Variants in RRN3 observed in about 807,000 individuals in gnomAD.
RRN3 encodes the protein RNA polymerase I-specific transcription initiation factor RRN3.
A neutral mutation model predicts 82.3 loss-of-function variants in RRN3; 38 were observed. That is an observed-to-expected ratio of 0.46 (90% confidence interval 0.36 to 0.61). The LOEUF (loss-of-function observed/expected upper bound fraction) is 0.61, where lower values mean the gene tolerates loss of function less well. RRN3 is among the 20% of genes least tolerant of loss of function. The probability of loss-of-function intolerance (pLI) is 0.00; values close to 1 mark genes in which losing one functional copy is unlikely to be tolerated. For missense variants in RRN3, 726 were observed against 793.1 expected, an observed-to-expected ratio of 0.92 and a Z score of 1.02; for synonymous variants, 284 against 284.3, an observed-to-expected ratio of 1.00 and a Z score of 0.01.
rs1267624686 is a variant in RRN3, at chr16:15,073,222, T to G, written c.998-142A>C. 19 of 923,006 alleles carry G rather than the reference T, an allele frequency of 2.1e-5. No individual in the cohort carries two copies. In the East Asian group the frequency reaches 3.4e-4, roughly 17 times the overall value. 57.2% of individuals were successfully genotyped at this position (923,006 alleles called of 1,614,324 possible). On this transcript the variant is annotated intron_variant, in intron 11 of 17. Transcript: ENST00000198767. The stretch of plus-strand genomic sequence containing the variant: ...GGCTCCTGCCTGCAATCCCAGCACT[T>G]TGGGAGGCCAAAGTGAGAGGGAGCC...
chr16:15,069,247 C>G (rs1322363758), intron 14 of RRN3, among the ~76,000 whole-genome samples: 2 of 152,004 alleles, frequency 1.3e-5, no homozygotes, highest in Non-Finnish European at 2.9e-5. Context: ...CTGCTGTTGG[C>G]AGCTAGTAGG....
At chr16:15,077,789 C>T (rs1490501309) in intron 9 of RRN3, among the ~76,000 whole-genome samples, 2 of 152,158 alleles carry the variant, frequency 1.3e-5, no homozygotes, top group African/African-American at 2.4e-5. Flanking sequence ...TGCAGTGAGC[C>T]GAGATCGCAC....
chr16:15,069,781 C>A (rs2045143662), intron 14 of RRN3, among the ~76,000 whole-genome samples: 1 of 152,218 alleles, frequency 6.6e-6, no homozygotes, highest in African/African-American at 2.4e-5. Context: ...CAGCCCAGGG[C>A]TCAGCCTCAC....
At position 15,071,180 on chromosome 16, in the gene RRN3, C is replaced by T; in HGVS notation, c.1200G>A (p.Arg400=). ...LQDPSNPAII[R]QAAGNYIGSF... ...TTCCAATATAATTTCCAGCAGCCTG[C>T]CTGATGATGGCAGGATTACTTGGGT... The change falls in exon 13 of 18, where the codon AGG becomes AGA. Residue 400 remains arginine, a synonymous_variant. Transcript: ENST00000198767. The T allele has an allele frequency of 2.5e-6, 4 of 1,611,168 alleles. No homozygotes were observed. Among genetic ancestry groups the T allele is most frequent in the Non-Finnish European group, 3.4e-6 (4 of 1,179,496 alleles).
intron 3 of RRN3, 95 bp downstream of exon 3, chr16:15,091,220 G>C (rs2046118932): frequency 6.7e-7 from 1 of 1,490,694 alleles, no homozygotes; most frequent in Non-Finnish European, 9.2e-7. Context: ...CATGGAGAGA[G>C]CAAGTTCTGG....
chr16:15,076,598 G>A lies in RRN3; in HGVS notation c.818C>T (p.Thr273Ile), dbSNP rs2045465357. 1.2e-6 allele frequency: 2 copies of A among 1,613,188 alleles called. No individual in the cohort carries two copies. Among genetic ancestry groups the A allele is most frequent in the South Asian group, 1.1e-5 (1 of 91,062 alleles). The change falls in exon 10 of 18, where the codon ACT becomes ATT. Residue 273 changes from threonine (T) to isoleucine (I), a missense_variant. By Grantham distance (89) the Thr-to-Ile change is moderately conservative. Coordinates refer to ENST00000198767, the MANE Select transcript of RRN3 (RefSeq NM_018427.5). Reference sequence around the variant, plus strand: ...TTCCGTGGAATCTGTCCCACCACAAGTTTGAGTTGCTGTTTCTTCAGCATC... The same window carrying A: ...TTCCGTGGAATCTGTCCCACCACAAATTTGAGTTGCTGTTTCTTCAGCATC... Reference protein sequence around the residue: ...IEDAEETATQTCGGTDSTEGL... With the variant: ...IEDAEETATQICGGTDSTEGL...
At chr16:15,064,772 G>A (rs1004543290) in intron 16 of RRN3, among the ~76,000 whole-genome samples, 7 of 152,178 alleles carry the variant, frequency 4.6e-5, no homozygotes, top group Admixed American at 2.0e-4. Flanking sequence ...TGAAATATAC[G>A]CAGGGAGACC....
At position 15,060,126 on chromosome 16, in the gene RRN3, C is replaced by A; in HGVS notation, c.*1618G>T. On this transcript the variant is annotated 3_prime_UTR_variant, in exon 18 of 18. Transcript: ENST00000198767. ...CACCATGGATTTTTTTTCACAAACT[C>A]CTTTGAAATTAAACAGACTTATATG... The A allele has an allele frequency of 2.9e-6, 1 of 345,116 alleles. No homozygotes were observed. The highest frequency in any genetic ancestry group is 2.4e-5 in the South Asian group (1 of 41,384). 21.4% of individuals were successfully genotyped at this position (345,116 alleles called of 1,614,324 possible).
chr16:15,082,228 C>T (rs2045737593), intron 8 of RRN3, among the ~76,000 whole-genome samples: 1 of 152,120 alleles, frequency 6.6e-6, no homozygotes, highest in South Asian at 2.1e-4. Context: ...TTTTCAGATG[C>T]CCTTTATCAG....
intron 17 of RRN3, among the ~76,000 whole-genome samples, chr16:15,062,882 A>G (rs1185756756): frequency 6.6e-6 from 1 of 152,234 alleles, no homozygotes; most frequent in Non-Finnish European, 1.5e-5. Flanking sequence ...TTTTTAAAGA[A>G]AACAGGGTCT....
intron 2 of RRN3, among the ~76,000 whole-genome samples, chr16:15,091,604 T>C (rs1489192786): frequency 1.3e-5 from 2 of 151,998 alleles, no homozygotes; most frequent in Non-Finnish European, 1.5e-5. Flanking sequence ...TACTTCTGTA[T>C]TGACATTTGA....
chr16:15,060,259 C>A lies in RRN3; in HGVS notation c.*1485G>T. The stretch of plus-strand genomic sequence containing the variant: ...GTTTTATCTAATATTAAAAAATCAA[C>A]ATTTTGCCAGCAGTTAAAAAGACAA... On this transcript the variant is annotated 3_prime_UTR_variant, in exon 18 of 18. Coordinates refer to ENST00000198767, the MANE Select transcript of RRN3 (RefSeq NM_018427.5). The A allele has an allele frequency of 3.1e-6, 1 of 325,946 alleles. No homozygotes were observed. The allele number at this position is 325,946 out of a possible 1,614,324, so 20.2% of individuals were successfully genotyped here.
intron 9 of RRN3, among the ~76,000 whole-genome samples, chr16:15,077,767 G>A (rs993903438): frequency 5.9e-5 from 9 of 152,234 alleles, no homozygotes; most frequent in African/African-American, 1.7e-4. Context: ...CTTGAACCCC[G>A]GAGGTGGAGG....
In RRN3 at chr16:15,067,095, A is replaced by T. The variant is rs910560338; in HGVS notation, c.1553+1074T>A. ...ACTGCCGTTGCTTATTGGTCTCTTT[A>T]TGCCTTTTCCTAATCCTTTACTATC... On this transcript the variant is annotated intron_variant, in intron 15 of 17. Coordinates refer to ENST00000198767, the MANE Select transcript of RRN3 (RefSeq NM_018427.5). Among the ~76,000 whole-genome samples, 147 of 147,364 alleles carry T rather than the reference A, an allele frequency of 1.0e-3. 2 individuals are homozygous for T. Among genetic ancestry groups the T allele is most frequent in the Non-Finnish European group, 1.9e-3 (128 of 66,370 alleles).
chr16:15,092,745 C>A, intron 1 of RRN3, 131 bp from the exon 2 acceptor site: 1 of 645,124 alleles, frequency 1.6e-6, no homozygotes, highest in Non-Finnish European at 2.8e-6. Context: ...CCTGCTTCCA[C>A]TCTTAACCAA....
intron 17 of RRN3, among the ~76,000 whole-genome samples, chr16:15,062,472 T>C (rs1205458743): frequency 6.6e-6 from 1 of 152,172 alleles, no homozygotes; most frequent in Non-Finnish European, 1.5e-5. Flanking sequence ...AGAAAACAAA[T>C]GTGCTCCCAA....
chr16:15,067,065 C>G (rs919560124), intron 15 of RRN3, among the ~76,000 whole-genome samples: 3 of 142,804 alleles, frequency 2.1e-5, no homozygotes, highest in Non-Finnish European at 4.7e-5. Flanking sequence ...AGCCTCCACC[C>G]ACTCACTGCC....
At chr16:15,086,542 G>T in intron 3 of RRN3, 88 bp from the exon 4 acceptor site, 2 of 1,563,292 alleles carry the variant, frequency 1.3e-6, no homozygotes, top group Non-Finnish European at 1.7e-6. Flanking sequence ...CATTTATCAA[G>T]AATAGGTTGG....
intron 2 of RRN3, among the ~76,000 whole-genome samples, chr16:15,091,979 C>A (rs2046148126): frequency 6.6e-6 from 1 of 152,130 alleles, no homozygotes; most frequent in Admixed American, 6.6e-5. Flanking sequence ...GAGTTCGAGA[C>A]CAGCCTGGCC....
Sources: allele counts gnomAD v4.1 joint callset (sites outside exome capture counted in the v4.1 genomes callset), GRCh38; gene constraint gnomAD v4.1.1; transcripts MANE v1.5; gene names NCBI Gene and HGNC (gene_info 2026-07-23, HGNC 2026-07-21).